FGF13: variants seen among roughly 807,000 people sequenced by gnomAD.
The protein encoded by FGF13 is fibroblast growth factor 13.
Under a neutral mutation model 19.5 loss-of-function variants are expected in FGF13, and 2 were observed. The observed-to-expected ratio is 0.10, with a 90% CI of 0.04 to 0.32. FGF13 has a LOEUF of 0.32. Ranked by LOEUF, FGF13 falls within the 10% of genes least tolerant of loss-of-function variation. FGF13 has a pLI of 1.00. For missense variants in FGF13, 113 were observed against 192.7 expected, an observed-to-expected ratio of 0.59 and a Z score of 2.45; for synonymous variants, 72 against 76.9, an observed-to-expected ratio of 0.94 and a Z score of 0.33.
intron 3 of FGF13, among the ~76,000 whole-genome samples, chrX:138,754,639 T>C (rs1428087800): frequency 9.0e-6 from 1 of 111,591 alleles, no homozygotes; most frequent in Non-Finnish European, 1.9e-5. Flanking sequence ...CAAAAGTTCT[T>C]TACACTGATA....
chrX:138,920,533 C>T (rs1420881201), intron 1 of FGF13, among the ~76,000 whole-genome samples: 3 of 111,533 alleles, frequency 2.7e-5, no homozygotes, highest in Non-Finnish European at 5.7e-5. Context: ...GAGGCTTTTT[C>T]TTAAATGAGA....
At chrX:138,672,513 G>A (rs1452347789) in intron 3 of FGF13, among the ~76,000 whole-genome samples, 1 of 111,965 alleles carries the variant, frequency 8.9e-6, no homozygotes. Context: ...ATGGAAGGAT[G>A]GGGTTGCCGC....
intron 1 of FGF13, among the ~76,000 whole-genome samples, chrX:139,108,078 A>G (rs1316335373): frequency 2.7e-5 from 3 of 111,633 alleles, no homozygotes; most frequent in Admixed American, 9.5e-5. Context: ...GAAGTTAGTT[A>G]TCATTTTTCA....
At chrX:139,048,787 T>C (rs1338187902) in intron 1 of FGF13, among the ~76,000 whole-genome samples, 1 of 111,358 alleles carries the variant, frequency 9.0e-6, no homozygotes, top group African/African-American at 3.3e-5. Flanking sequence ...AGTTAAATTC[T>C]TATTCATTCA....
chrX:138,784,228 G>A (rs2090674390), intron 3 of FGF13, among the ~76,000 whole-genome samples: 1 of 100,246 alleles, frequency 1.0e-5, no homozygotes, highest in African/African-American at 3.6e-5. Context: ...TGACGAGTTA[G>A]TGGGTGCAGC....
In FGF13 at chrX:139,141,097, G is replaced by C. The variant is rs767877557; in HGVS notation, c.-113+62319C>G. 6.7e-5 allele frequency among the ~76,000 whole-genome samples: 6 copies of C among 89,083 alleles called. No individual in the cohort carries two copies. In the South Asian group the frequency reaches 2.5e-3, roughly 37 times the overall value. 77.4% of individuals were successfully genotyped at this position (89,083 alleles called of 115,157 possible). A position where few individuals can be genotyped will look rare whatever the true frequency, so the allele number is the denominator to read the frequency against. ...GATAGATAGATAGATAGATAGATAA[G>C]AGTGTACACACACACACACACACAC... On this transcript the variant is annotated intron_variant, in intron 1 of 2. Transcript: ENST00000421460.
chrX:138,771,583 G>T (rs2090545410), intron 3 of FGF13, among the ~76,000 whole-genome samples: 1 of 110,987 alleles, frequency 9.0e-6, no homozygotes, highest in African/African-American at 3.3e-5. Flanking sequence ...CAGCTAAACA[G>T]GGAAGATTTT....
At chrX:138,873,149 C>T (rs979650895) in intron 1 of FGF13, among the ~76,000 whole-genome samples, 1 of 111,407 alleles carries the variant, frequency 9.0e-6, no homozygotes, top group Admixed American at 9.6e-5. Flanking sequence ...CTCTACAAAA[C>T]GTGAAGCTTT....
intron 3 of FGF13, among the ~76,000 whole-genome samples, chrX:138,759,595 C>T (rs1016671620): frequency 4.5e-5 from 5 of 111,955 alleles, no homozygotes; most frequent in African/African-American, 1.6e-4. Context: ...AGTGCAGTCC[C>T]GCCTGCCTTA....
intron 3 of FGF13, among the ~76,000 whole-genome samples, chrX:138,814,253 C>A (rs911521194): frequency 9.1e-6 from 1 of 109,615 alleles, no homozygotes; most frequent in East Asian, 2.9e-4. Flanking sequence ...GAAAAATTAA[C>A]AATAGCCAGT....
chrX:138,639,177 T>C (rs2089220358), intron 3 of FGF13, among the ~76,000 whole-genome samples: 3 of 111,839 alleles, frequency 2.7e-5, no homozygotes, highest in African/African-American at 9.8e-5. Flanking sequence ...CCTATGTCTC[T>C]GCAGTGATTC....
At chrX:138,748,479 C>A (rs201798014) in intron 3 of FGF13, among the ~76,000 whole-genome samples, 1 of 111,505 alleles carries the variant, frequency 9.0e-6, no homozygotes, top group African/African-American at 3.3e-5. Flanking sequence ...AGAGAGGCTT[C>A]TCCAGAAACC....
At chrX:138,714,567 C>A (rs1015402817), upstream of FGF13, among the ~76,000 whole-genome samples, 1 of 111,023 alleles carries the variant, frequency 9.0e-6, no homozygotes, top group Non-Finnish European at 1.9e-5. Flanking sequence ...ATCGCTTGAA[C>A]CCGGGAGGCG....
At chrX:138,860,154 C>T (rs771601598) in intron 2 of FGF13, among the ~76,000 whole-genome samples, 35 of 111,740 alleles carry the variant, frequency 3.1e-4, no homozygotes, top group African/African-American at 9.7e-4. Flanking sequence ...CAACACATTA[C>T]GCTGGCTTAT....
At chrX:139,005,017 C>G (rs1215355211) in intron 1 of FGF13, among the ~76,000 whole-genome samples, 1 of 112,109 alleles carries the variant, frequency 8.9e-6, no homozygotes, top group Non-Finnish European at 1.9e-5. Flanking sequence ...GGGAAGGACG[C>G]AAGCCTGGCA....
intron 1 of FGF13, among the ~76,000 whole-genome samples, chrX:138,865,855 G>A (rs1020555384): frequency 1.8e-5 from 2 of 111,479 alleles, no homozygotes; most frequent in African/African-American, 3.3e-5. Flanking sequence ...TACAACATGT[G>A]TCTTTGCCCT....
intron 3 of FGF13, among the ~76,000 whole-genome samples, chrX:138,754,375 AAG>A (rs1343594322): frequency 9.0e-6 from 1 of 111,530 alleles, no homozygotes; most frequent in African/African-American, 3.3e-5. Context: ...GAGTATCACA[AAG>A]AGTGTCCATT....
chrX:139,173,284 C>A (rs2084148671), intron 1 of FGF13, among the ~76,000 whole-genome samples: 1 of 111,309 alleles, frequency 9.0e-6, no homozygotes, highest in African/African-American at 3.3e-5. Flanking sequence ...GCATTTTAAC[C>A]TCCCTGGCTC....
At chrX:138,823,104 G>A (rs888803429) in intron 3 of FGF13, among the ~76,000 whole-genome samples, 2 of 111,664 alleles carry the variant, frequency 1.8e-5, no homozygotes, top group Non-Finnish European at 3.8e-5. Context: ...AAAGTTCACA[G>A]CCTCCTGATT....
Sources: allele counts gnomAD v4.1 joint callset (sites outside exome capture counted in the v4.1 genomes callset), GRCh38; gene constraint gnomAD v4.1.1; transcripts MANE v1.5; gene names NCBI Gene and HGNC (gene_info 2026-07-23, HGNC 2026-07-21).